The following FHIP1A variants were observed in gnomAD, a reference collection of about 807,000 sequenced individuals.
FHIP1A encodes the protein FHF complex subunit HOOK interacting protein 1A, also known as FHF complex subunit HOOK-interacting protein 1A.
FHIP1A carries 61 observed loss-of-function variants against 88.6 expected under a neutral mutation model. The observed-to-expected ratio is 0.69, with a 90% CI of 0.56 to 0.85. FHIP1A has a LOEUF of 0.85. FHIP1A is among the 40% of genes least tolerant of loss of function. FHIP1A has a pLI of 0.00. For synonymous variants in FHIP1A, 478 were observed against 496.0 expected, an observed-to-expected ratio of 0.96 and a Z score of 0.48; for missense variants, 1,154 against 1,273.5, an observed-to-expected ratio of 0.91 and a Z score of 1.43.
chr4:151,510,750 G>A (rs923410891), intron 3 of FHIP1A, among the ~76,000 whole-genome samples: 4 of 152,180 alleles, frequency 2.6e-5, no homozygotes, highest in Non-Finnish European at 5.9e-5. Context: ...CAGCAGTAAG[G>A]AATCTAAAGG....
At chr4:151,553,638 G>A (rs1470489898) in intron 3 of FHIP1A, among the ~76,000 whole-genome samples, 1 of 152,146 alleles carries the variant, frequency 6.6e-6, no homozygotes, top group Non-Finnish European at 1.5e-5. Flanking sequence ...TATCTGTAGT[G>A]GCTGAAATGC....
At chr4:151,606,011 C>T (rs1735058970) in intron 7 of FHIP1A, among the ~76,000 whole-genome samples, 1 of 152,180 alleles carries the variant, frequency 6.6e-6, no homozygotes, top group South Asian at 2.1e-4. Context: ...AAATTATTAT[C>T]ACCATTATAA....
intron 1 of FHIP1A, among the ~76,000 whole-genome samples, chr4:151,447,312 T>A (rs1190086123): frequency 1.3e-5 from 2 of 152,214 alleles, no homozygotes; most frequent in Non-Finnish European, 2.9e-5. Flanking sequence ...ATATGTCTTT[T>A]ACATAGCTGG....
At chr4:151,647,370 A>G (rs1051106691) in intron 10 of FHIP1A, among the ~76,000 whole-genome samples, 2 of 152,204 alleles carry the variant, frequency 1.3e-5, no homozygotes, top group Non-Finnish European at 2.9e-5. Flanking sequence ...GCATCTGTAT[A>G]TCTTTGATGG....
intron 1 of FHIP1A, among the ~76,000 whole-genome samples, chr4:151,452,757 G>A (rs1214438876): frequency 7.0e-6 from 1 of 143,720 alleles, no homozygotes; most frequent in African/African-American, 2.6e-5. Context: ...CAGCCTGGGT[G>A]ACGGAATGAG....
At chr4:151,574,475 A>AG (rs1037797262) in intron 4 of FHIP1A, among the ~76,000 whole-genome samples, 1 of 152,164 alleles carries the variant, frequency 6.6e-6, no homozygotes, top group Non-Finnish European at 1.5e-5. Flanking sequence ...TTATGTAAAT[A>AG]GACTTTTGCT....
At chr4:151,526,212 C>T (rs918780386) in intron 3 of FHIP1A, among the ~76,000 whole-genome samples, 2 of 152,240 alleles carry the variant, frequency 1.3e-5, no homozygotes, top group Non-Finnish European at 1.5e-5. Context: ...CCACCCTTCC[C>T]CCCTTTCTAT....
intron 3 of FHIP1A, among the ~76,000 whole-genome samples, chr4:151,561,755 C>CA (rs994774488): frequency 5.9e-5 from 9 of 151,724 alleles, no homozygotes; most frequent in Admixed American, 4.6e-4. Context: ...AGGAAATAAA[C>CA]AAAAAAAACC....
Position 151,650,611 on chromosome 4 carries a change from T to C in FHIP1A, c.2551+19T>C. 6.5e-7 allele frequency: 1 copy of C among 1,530,906 alleles called. No homozygotes were observed. The highest frequency in any genetic ancestry group is 1.4e-5 in the African/African-American group (1 of 72,120). The allele number at this position is 1,530,906 out of a possible 1,614,324, so 94.8% of individuals were successfully genotyped here. Reference sequence around the variant, plus strand: ...TTCACAGGTGACCATCTTAAATTGCTTTGTGGTTTCTGCTTTCGAAAGTAC... The same window carrying C: ...TTCACAGGTGACCATCTTAAATTGCCTTGTGGTTTCTGCTTTCGAAAGTAC... On this transcript the variant is annotated intron_variant, in intron 11 of 13. Transcript: ENST00000435205.
intron 3 of FHIP1A, among the ~76,000 whole-genome samples, chr4:151,524,849 G>A (rs920870774): frequency 6.6e-6 from 1 of 152,182 alleles, no homozygotes; most frequent in Non-Finnish European, 1.5e-5. Flanking sequence ...CCTTTGGAAA[G>A]GAAGTGTTGC....
At chr4:151,557,498 G>A (rs1732996061) in intron 3 of FHIP1A, among the ~76,000 whole-genome samples, 1 of 152,166 alleles carries the variant, frequency 6.6e-6, no homozygotes, top group African/African-American at 2.4e-5. Flanking sequence ...AATTAAAGAA[G>A]CATAGATAGC....
At chr4:151,556,551 T>C (rs895176661) in intron 3 of FHIP1A, among the ~76,000 whole-genome samples, 9 of 152,198 alleles carry the variant, frequency 5.9e-5, no homozygotes, top group African/African-American at 1.9e-4. Context: ...TATAATTTAC[T>C]TGGAACTCCG....
In FHIP1A at chr4:151,656,272, G is replaced by A. The variant is rs760087112; in HGVS notation, c.2592G>A (p.Met864Ile). ...TAGTCCTGTCAAAGCTGGAGAACAT[G>A]CTGGAGAACTCTTTACATGTTAATT... ...ISVVLSKLEN[M>I]LENSLHVNLL... The change falls in exon 12 of 14, where the codon ATG becomes ATA. Residue 864 changes from methionine (M) to isoleucine (I), a missense_variant. By Grantham distance (10) the Met-to-Ile change is conservative. Transcript: ENST00000435205. The surrounding 1 kb of genome is among the most constrained non-coding windows in gnomAD (Gnocchi z 4.2). 2 of 1,551,536 alleles carry A rather than the reference G, an allele frequency of 1.3e-6. No homozygotes were observed. The highest frequency in any genetic ancestry group is 2.4e-5 in the South Asian group (2 of 84,052).
chr4:151,629,990 T>C (rs1736096275), intron 8 of FHIP1A, 121 bp downstream of exon 8: 1 of 863,216 alleles, frequency 1.2e-6, no homozygotes, highest in Non-Finnish European at 1.7e-6. Flanking sequence ...TTTTCTTTTT[T>C]GGTTGTTGTT....
At chr4:151,494,863 C>T (rs6843639) in intron 3 of FHIP1A, among the ~76,000 whole-genome samples, 79,002 of 151,880 alleles carry the variant, frequency 0.52, 20,834 homozygotes, top group African/African-American at 0.55. Context: ...TTTACAATGA[C>T]GATTTTGGAC....
chr4:151,531,445 C>T (rs1013111292), intron 3 of FHIP1A, among the ~76,000 whole-genome samples: 5 of 151,592 alleles, frequency 3.3e-5, no homozygotes, highest in Admixed American at 6.6e-5. Flanking sequence ...CACTACTGTG[C>T]GTATTTTTTC....
intron 1 of FHIP1A, among the ~76,000 whole-genome samples, chr4:151,423,507 A>G (rs1045894781): frequency 3.9e-5 from 6 of 152,194 alleles, no homozygotes; most frequent in Non-Finnish European, 1.5e-5. Flanking sequence ...CAAATCTCTG[A>G]TCTACCAATT....
intron 2 of FHIP1A, among the ~76,000 whole-genome samples, chr4:151,471,838 G>A (rs1047274055): frequency 6.6e-6 from 1 of 152,048 alleles, no homozygotes; most frequent in African/African-American, 2.4e-5. Context: ...TCATAGCTTA[G>A]CTCCTACTTA....
chr4:151,617,703 T>A (rs1735594586), intron 7 of FHIP1A, among the ~76,000 whole-genome samples: 1 of 152,044 alleles, frequency 6.6e-6, no homozygotes, highest in Non-Finnish European at 1.5e-5. Flanking sequence ...CTGGCTGACA[T>A]GGTGAAACCC....
Sources: allele counts gnomAD v4.1 joint callset (sites outside exome capture counted in the v4.1 genomes callset), GRCh38; gene constraint gnomAD v4.1.1; non-coding constraint Gnocchi (gnomAD v3.1); transcripts MANE v1.5; gene names NCBI Gene and HGNC (gene_info 2026-07-23, HGNC 2026-07-21).